The following PTPN2 variants were observed in gnomAD, a reference collection of about 807,000 sequenced individuals.
PTPN2 encodes the protein tyrosine-protein phosphatase non-receptor type 2.
A neutral mutation model predicts 57.3 loss-of-function variants in PTPN2; 19 were observed. The ratio of observed to expected loss-of-function variants is 0.33; its 90% confidence interval spans 0.23 to 0.49. PTPN2 has a LOEUF of 0.49. PTPN2 is among the 20% of genes least tolerant of loss of function. PTPN2 has a pLI of 0.99. For synonymous variants in PTPN2, 153 were observed against 164.9 expected, an observed-to-expected ratio of 0.93 and a Z score of 0.55; for missense variants, 358 against 501.1, an observed-to-expected ratio of 0.71 and a Z score of 2.73.
At chr18:12,838,750 T>C (rs918458981) in intron 2 of PTPN2, among the ~76,000 whole-genome samples, 26 of 142,262 alleles carry the variant, frequency 1.8e-4, no homozygotes, top group African/African-American at 5.6e-4. Flanking sequence ...TTGGGAAAAC[T>C]CTATAGCTAT....
At chr18:12,871,865 T>C (rs1437091662) in intron 1 of PTPN2, among the ~76,000 whole-genome samples, 2 of 151,970 alleles carry the variant, frequency 1.3e-5, no homozygotes, top group African/African-American at 4.8e-5. Flanking sequence ...CTGGCCAACA[T>C]GGGGAAACCC....
In PTPN2 at chr18:12,794,248, T is replaced by A. The variant is rs756850013; in HGVS notation, c.*30A>T. 6.2e-7 allele frequency: 1 copy of A among 1,613,626 alleles called. No individual in the cohort carries two copies. Among genetic ancestry groups the A allele is most frequent in the Non-Finnish European group, 8.5e-7 (1 of 1,179,812 alleles). On this transcript the variant is annotated 3_prime_UTR_variant, in exon 9 of 9. Coordinates refer to ENST00000309660, the MANE Select transcript of PTPN2 (RefSeq NM_002828.4). Reference sequence around the variant, plus strand: ...TTAATGTAGCACTGTCAGTTACTAGTGCAGAAGCTTGCTGGGCAAAATTAA... The same window carrying A: ...TTAATGTAGCACTGTCAGTTACTAGAGCAGAAGCTTGCTGGGCAAAATTAA...
At chr18:12,786,546 G>A (rs1438476195) in intron 9 of PTPN2, 1 of 152,072 alleles carries the variant, frequency 6.6e-6, no homozygotes, top group African/African-American at 2.4e-5. Flanking sequence ...CTATTGTAAG[G>A]GCAGTTGAGT....
At position 12,874,717 on chromosome 18, in the gene PTPN2, A is replaced by G. The variant is rs1392078925; in HGVS notation, c.69+9356T>C. Among the ~76,000 whole-genome samples, 7 of 126,528 alleles carry G rather than the reference A, an allele frequency of 5.5e-5. No homozygotes were observed. The South Asian group carries it at 8.7e-4, about 16-fold the overall frequency. The allele number at this position is 126,528 out of a possible 152,430, so 83.0% of individuals were successfully genotyped here. On this transcript the variant is annotated intron_variant, in intron 1 of 8. Coordinates refer to ENST00000309660, the MANE Select transcript of PTPN2 (RefSeq NM_002828.4). The stretch of plus-strand genomic sequence containing the variant: ...AACCCCTCGCCCGGCCAGCCGCCCC[A>G]CCCGGGAGGTGAGGGGCGCCTCTGC...
downstream of PTPN2, among the ~76,000 whole-genome samples, chr18:12,789,878 G>A (rs1568069619): frequency 6.6e-6 from 1 of 151,346 alleles, no homozygotes; most frequent in African/African-American, 2.4e-5. Context: ...GTGTGTGTGT[G>A]TATATATATA....
intron 2 of PTPN2, among the ~76,000 whole-genome samples, chr18:12,851,944 G>A (rs1038695217): frequency 4.6e-5 from 7 of 152,038 alleles, no homozygotes; most frequent in Non-Finnish European, 7.4e-5. Flanking sequence ...TAAACCAGTC[G>A]CAGAAAGACA....
At chr18:12,870,439 GTGTA>G (rs1313883879) in intron 1 of PTPN2, among the ~76,000 whole-genome samples, 1,381 of 30,234 alleles carry the variant, frequency 0.046, 159 homozygotes, top group African/African-American at 0.1. Context: ...ATATATATAT[GTGTA>G]TATATATATA....
At chr18:12,873,389 C>A (rs1347737493) in intron 1 of PTPN2, among the ~76,000 whole-genome samples, 1 of 152,228 alleles carries the variant, frequency 6.6e-6, no homozygotes, top group East Asian at 1.9e-4. Flanking sequence ...ACCTCCCTGC[C>A]TGATTCTCCT....
intron 7 of PTPN2, among the ~76,000 whole-genome samples, chr18:12,808,246 T>G (rs1169447139): frequency 2.0e-5 from 3 of 152,078 alleles, no homozygotes. Context: ...TTCTGGCTAT[T>G]TCGAAATACT....
chr18:12,822,353 A>G (rs552051183), intron 5 of PTPN2, among the ~76,000 whole-genome samples: 25 of 152,250 alleles, frequency 1.6e-4, no homozygotes, highest in Non-Finnish European at 3.4e-4. Context: ...CCAACATTAC[A>G]GAAATAGTGA....
At chr18:12,882,985 TAA>T (rs2044712359) in intron 1 of PTPN2, among the ~76,000 whole-genome samples, 1 of 152,284 alleles carries the variant, frequency 6.6e-6, no homozygotes, top group Non-Finnish European at 1.5e-5. Flanking sequence ...TTAAAAGAGA[TAA>T]AGTTTTGTTT....
At position 12,794,076 on chromosome 18, in the gene PTPN2, AT is replaced by A; in HGVS notation, c.*201del. ...ATGAATGTCTTTATTTTAGACAGCC[AT>A]TTACAGTTTGGGGTTCAGAGGAACC... On this transcript the variant is annotated 3_prime_UTR_variant, in exon 9 of 9. Transcript: ENST00000309660. The A allele has an allele frequency of 1.4e-6, 2 of 1,426,058 alleles. No individual in the cohort carries two copies. The highest frequency in any genetic ancestry group is 1.8e-6 in the Non-Finnish European group (2 of 1,096,740). The allele number at this position is 1,426,058 out of a possible 1,614,324, so 88.3% of individuals were successfully genotyped here. A position where few individuals can be genotyped will look rare whatever the true frequency, so the allele number is the denominator to read the frequency against.
intron 2 of PTPN2, among the ~76,000 whole-genome samples, chr18:12,857,737 G>C (rs2043643514): frequency 6.6e-6 from 1 of 152,148 alleles, no homozygotes; most frequent in Non-Finnish European, 1.5e-5. Context: ...ACCGTGATGA[G>C]CCACCTGTTT....
chr18:12,798,307 T>C (rs1305178785), intron 8 of PTPN2, among the ~76,000 whole-genome samples: 1 of 152,138 alleles, frequency 6.6e-6, no homozygotes, highest in Non-Finnish European at 1.5e-5. Context: ...ACTTGTGTCA[T>C]CTCCGTGACA....
chr18:12,870,322 T>C (rs967946994), intron 1 of PTPN2, among the ~76,000 whole-genome samples: 3 of 46,082 alleles, frequency 6.5e-5, no homozygotes, highest in South Asian at 1.0e-3. Flanking sequence ...TATATATGTG[T>C]ATATATATGT....
chr18:12,858,182 A>C (rs2145470830), intron 2 of PTPN2, among the ~76,000 whole-genome samples: 1 of 152,240 alleles, frequency 6.6e-6, no homozygotes, highest in African/African-American at 2.4e-5. Flanking sequence ...GCAGCACCAT[A>C]CCCTAGTCAA....
intron 1 of PTPN2, among the ~76,000 whole-genome samples, chr18:12,867,340 A>G (rs2044030111): frequency 6.6e-6 from 1 of 152,022 alleles, no homozygotes; most frequent in South Asian, 2.1e-4. Context: ...AAATAAATAA[A>G]TAAATGAAAT....
At chr18:12,874,250 G>T (rs1020223808) in intron 1 of PTPN2, among the ~76,000 whole-genome samples, 1 of 148,946 alleles carries the variant, frequency 6.7e-6, no homozygotes, top group Non-Finnish European at 1.5e-5. Flanking sequence ...CGGGAGGGAG[G>T]TGGGGGGTTC....
At chr18:12,861,458 T>C (rs1219594658) in intron 1 of PTPN2, among the ~76,000 whole-genome samples, 1 of 152,244 alleles carries the variant, frequency 6.6e-6, no homozygotes, top group African/African-American at 2.4e-5. Context: ...CAGTATCAAA[T>C]TTTAGTTACT....
Sources: allele counts gnomAD v4.1 joint callset (sites outside exome capture counted in the v4.1 genomes callset), GRCh38; gene constraint gnomAD v4.1.1; transcripts MANE v1.5; gene names NCBI Gene and HGNC (gene_info 2026-07-23, HGNC 2026-07-21).